CHN2: variants seen among roughly 807,000 people sequenced by gnomAD.
CHN2 encodes the protein chimerin 2, also known as beta-chimaerin.
CHN2 carries 35 observed loss-of-function variants against 56.3 expected under a neutral mutation model. The observed-to-expected ratio is 0.62, with a 90% CI of 0.47 to 0.82. The LOEUF (loss-of-function observed/expected upper bound fraction) is 0.82. CHN2 is among the 40% of genes least tolerant of loss of function. The pLI is 0.00. For synonymous variants in CHN2, 210 were observed against 212.8 expected (o/e 0.99, Z 0.12); for missense variants, 491 against 580.5 (o/e 0.85, Z 1.58).
chr7:29,156,020 G>T (rs1361128318), intron 2 of CHN2, among the ~76,000 whole-genome samples: 1 of 152,172 alleles, frequency 6.6e-6, no homozygotes, highest in Non-Finnish European at 1.5e-5. Flanking sequence ...TTTAATATTG[G>T]TTTTCTTCCC....
chr7:29,421,302 A>C (rs1218409794), intron 6 of CHN2, among the ~76,000 whole-genome samples: 1 of 152,154 alleles, frequency 6.6e-6, no homozygotes, highest in Non-Finnish European at 1.5e-5. Flanking sequence ...AGCCTACCCA[A>C]GGGCAGACTC....
At chr7:29,246,153 C>T (rs1048574159) in intron 1 of CHN2, among the ~76,000 whole-genome samples, 1 of 152,056 alleles carries the variant, frequency 6.6e-6, no homozygotes, top group Non-Finnish European at 1.5e-5. Flanking sequence ...AGCAACTTTC[C>T]CCTGCTTTCT....
At chr7:29,176,835 G>T (rs1361569351) in intron 2 of CHN2, among the ~76,000 whole-genome samples, 2 of 152,160 alleles carry the variant, frequency 1.3e-5, no homozygotes, top group Non-Finnish European at 2.9e-5. Flanking sequence ...GAAAGGGAAA[G>T]CAACCTCTTG....
intron 3 of CHN2, among the ~76,000 whole-genome samples, chr7:29,381,304 T>C (rs1047763718): frequency 2.0e-5 from 3 of 152,224 alleles, no homozygotes; most frequent in Middle Eastern, 6.8e-3. Context: ...GGCTCCAGGA[T>C]GCCAAAGATG....
intron 6 of CHN2, among the ~76,000 whole-genome samples, chr7:29,417,597 A>G (rs1803905446): frequency 6.6e-6 from 1 of 152,224 alleles, no homozygotes; most frequent in East Asian, 1.9e-4. Flanking sequence ...ATTTAGGTTG[A>G]ACCGTAATGC....
intron 1 of CHN2, among the ~76,000 whole-genome samples, chr7:29,326,295 C>T (rs981030418): frequency 6.6e-6 from 1 of 152,068 alleles, no homozygotes; most frequent in Admixed American, 6.6e-5. Flanking sequence ...GTAGCTGGGA[C>T]TACAGGTGAG....
intron 1 of CHN2, among the ~76,000 whole-genome samples, chr7:29,332,456 A>C (rs1796300025): frequency 6.6e-6 from 1 of 152,218 alleles, no homozygotes; most frequent in Admixed American, 6.5e-5. Context: ...GAATGCATTC[A>C]GTAGGAACCG....
intron 12 of CHN2, among the ~76,000 whole-genome samples, chr7:29,511,162 A>ATAAACAGTAGGTATTGCGATTTTTATT: frequency 6.7e-6 from 1 of 149,236 alleles, no homozygotes; most frequent in South Asian, 2.1e-4. Flanking sequence ...GGAGGACTGT[A>ATAAACAGTAGGTATTGCGATTTTTATT]TAAACAGTAG....
At chr7:29,153,821 C>T (rs928540850) in intron 2 of CHN2, among the ~76,000 whole-genome samples, 9 of 152,160 alleles carry the variant, frequency 5.9e-5, no homozygotes, top group East Asian at 1.9e-4. Context: ...CTACCTGCCT[C>T]GGCCTCTCTA....
chr7:29,355,442 G>A (rs1050114606), intron 2 of CHN2, among the ~76,000 whole-genome samples: 1 of 152,144 alleles, frequency 6.6e-6, no homozygotes, highest in Non-Finnish European at 1.5e-5. Flanking sequence ...CTTAGAAACA[G>A]ATCCTGCCTG....
rs185351070 is a variant in CHN2, at chr7:29,169,841, C to T, written c.274+22881C>T. Among the ~76,000 whole-genome samples the T allele has an allele frequency of 2.4e-3, 355 of 150,930 alleles. 3 individuals carry two copies. The highest frequency in any genetic ancestry group is 1.0e-3 in the Non-Finnish European group (69 of 67,896). ...TAAGATGTATATATATATATACACA[C>T]ATATATATAAGTATATATACGTGTG... On this transcript the variant is annotated intron_variant, in intron 2 of 6. Coordinates refer to the CHN2 transcript ENST00000439384.
intron 2 of CHN2, among the ~76,000 whole-genome samples, chr7:29,152,833 T>A (rs1279544850): frequency 6.6e-6 from 1 of 152,224 alleles, no homozygotes; most frequent in Non-Finnish European, 1.5e-5. Context: ...CACTCGATCC[T>A]TGTTATTCGT....
At chr7:29,482,628 T>G (rs1236338521) in intron 7 of CHN2, among the ~76,000 whole-genome samples, 1 of 151,864 alleles carries the variant, frequency 6.6e-6, no homozygotes, top group Non-Finnish European at 1.5e-5. Context: ...TTTATTTACA[T>G]TAACTTCTAA....
intron 3 of CHN2, among the ~76,000 whole-genome samples, chr7:29,374,572 T>G (rs566873151): frequency 1.3e-5 from 2 of 152,252 alleles, no homozygotes; most frequent in South Asian, 4.1e-4. Context: ...GGTGAGGTCA[T>G]AAGCGCTTGG....
chr7:29,280,969 G>T (rs1476205162), intron 1 of CHN2, among the ~76,000 whole-genome samples: 2 of 152,144 alleles, frequency 1.3e-5, no homozygotes, highest in Non-Finnish European at 2.9e-5. Flanking sequence ...GGTGGCGCAT[G>T]CCTGTAATCT....
intron 6 of CHN2, among the ~76,000 whole-genome samples, chr7:29,428,444 T>G (rs894643977): frequency 1.3e-5 from 2 of 152,190 alleles, no homozygotes; most frequent in African/African-American, 4.8e-5. Context: ...TGGCTCTCTC[T>G]CTAAATCACT....
chr7:29,320,942 A>T (rs1795296509), intron 1 of CHN2, among the ~76,000 whole-genome samples: 1 of 152,214 alleles, frequency 6.6e-6, no homozygotes, highest in Admixed American at 6.5e-5. Context: ...GAATCACTTA[A>T]AATGAGGTCC....
chr7:29,239,041 C>T (rs1787434447), intron 1 of CHN2, among the ~76,000 whole-genome samples: 1 of 152,136 alleles, frequency 6.6e-6, no homozygotes, highest in South Asian at 2.1e-4. Flanking sequence ...ATGATGTGAC[C>T]TGACTTTTAT....
chr7:29,163,901 T>C (rs182605858), intron 2 of CHN2, among the ~76,000 whole-genome samples: 1 of 152,370 alleles, frequency 6.6e-6, no homozygotes, highest in African/African-American at 2.4e-5. Context: ...GACTGAAATA[T>C]ATTTGTCCAT....
Sources: gnomAD v4.1 joint callset for allele counts (sites outside exome capture counted in the v4.1 genomes callset) on GRCh38, gnomAD v4.1.1 for gene constraint, MANE v1.5 for transcripts, NCBI Gene and HGNC (gene_info 2026-07-23, HGNC 2026-07-21) for gene names.